SCIN: variants seen among roughly 807,000 people sequenced by gnomAD.
SCIN encodes scinderin.
Under a neutral mutation model 91.8 loss-of-function variants are expected in SCIN, and 91 were observed. The ratio of observed to expected loss-of-function variants is 0.99; its 90% confidence interval spans 0.84 to 1.18. The LOEUF (loss-of-function observed/expected upper bound fraction) is 1.18, where lower values mean the gene tolerates loss of function less well. Ranked by LOEUF, SCIN falls within the 50% of genes most tolerant of loss-of-function variation. The pLI is 0.00. For synonymous variants in SCIN, 367 were observed against 312.6 expected, an observed-to-expected ratio of 1.17 and a Z score of -1.84; for missense variants, 1,087 against 863.9, an observed-to-expected ratio of 1.26 and a Z score of -3.24.
chr7:12,651,129 C>A lies in SCIN; in HGVS notation c.1960-712C>A, dbSNP rs1408272237. On this transcript the variant is annotated intron_variant, in intron 14 of 15. Coordinates refer to ENST00000297029, the MANE Select transcript of SCIN (RefSeq NM_001112706.3). The surrounding 1 kb of genome is among the most constrained non-coding windows in gnomAD (Gnocchi z 5.9). ...TGGCTGGATGGTTGATGCTTTTCTA[C>A]CATTTTGAAGTTACAGAAAGAATGG... Among the ~76,000 whole-genome samples the A allele has an allele frequency of 6.6e-6, 1 of 152,080 alleles. No individual in the cohort carries two copies. The highest frequency in any genetic ancestry group is 1.9e-4 in the East Asian group (1 of 5,198).
chr7:12,576,998 G>A (rs527683933), intron 1 of SCIN, among the ~76,000 whole-genome samples: 81 of 152,116 alleles, frequency 5.3e-4, no homozygotes, highest in Non-Finnish European at 1.0e-3. Context: ...CCTCCTGACT[G>A]TCCGTACTGT....
rs1415228986 is a variant in SCIN at position 12,622,840 on chromosome 7, G to A, written c.706G>A (p.Asp236Asn). Residue 236 changes from aspartate to asparagine, a missense_variant, in exon 5 of 16, where the codon GAT becomes AAT. By Grantham distance (23) the Asp-to-Asn change is conservative (BLOSUM62 1). Transcript: ENST00000297029. Reference protein sequence around the residue: ...EKPELPDGGDDDDIIADISNR... With the variant: ...EKPELPDGGDNDDIIADISNR... ...GCCAGAGCTTCCAGATGGAGGTGAT[G>A]ATGATGACATTATAGCAGACATAAG... The A allele has an allele frequency of 6.2e-7, 1 of 1,613,262 alleles. No individual in the cohort carries two copies. The highest frequency in any genetic ancestry group is 8.5e-7 in the Non-Finnish European group (1 of 1,179,406).
At chr7:12,644,023 C>G in intron 11 of SCIN, 115 bp from the exon 12 acceptor site, 1 of 928,820 alleles carries the variant, frequency 1.1e-6, no homozygotes. Context: ...AATTAATTTC[C>G]TGGGATAGGG....
intron 10 of SCIN, among the ~76,000 whole-genome samples, chr7:12,639,004 A>C (rs1274331739): frequency 6.6e-6 from 1 of 152,208 alleles, no homozygotes; most frequent in African/African-American, 2.4e-5. Flanking sequence ...AGCCGGTTGA[A>C]TCCTAAATTG....
At chr7:12,592,949 C>G (rs1243121866) in intron 3 of SCIN, among the ~76,000 whole-genome samples, 1 of 151,584 alleles carries the variant, frequency 6.6e-6, no homozygotes, top group East Asian at 1.9e-4. Context: ...GCCCAGGGGC[C>G]CTGGCCTCAT....
At chr7:12,603,907 TG>T (rs1434667315) in intron 3 of SCIN, among the ~76,000 whole-genome samples, 3 of 50,886 alleles carry the variant, frequency 5.9e-5, no homozygotes, top group East Asian at 0.045. Context: ...CTTATATGTG[TG>T]GTTTTTTTCT....
chr7:12,582,271 A>G (rs1185334513), intron 3 of SCIN, among the ~76,000 whole-genome samples: 1 of 152,230 alleles, frequency 6.6e-6, no homozygotes, highest in Non-Finnish European at 1.5e-5. Flanking sequence ...AGCAGTAGAC[A>G]GAAGCCAAAA....
chr7:12,641,726 A>G (rs1562632527), intron 11 of SCIN, among the ~76,000 whole-genome samples: 1 of 152,098 alleles, frequency 6.6e-6, no homozygotes, highest in Non-Finnish European at 1.5e-5. Context: ...CCTTTACTCC[A>G]GAATGCACAT....
rs770497588 is a variant in SCIN at position 12,652,648 on chromosome 7, T to A, written c.2081T>A (p.Ile694Lys). Residue 694 changes from isoleucine to lysine, a missense_variant, in exon 16 of 16, where the codon ATA becomes AAA. Coordinates refer to ENST00000297029, the MANE Select transcript of SCIN (RefSeq NM_001112706.3). Reference protein sequence around the residue: ...GRDKRTPIVIIKQGHEPPTFT... With the variant: ...GRDKRTPIVIKKQGHEPPTFT... ...GACAAGAGGACACCAATTGTCATCA[T>A]AAAACAGGGCCATGAGCCACCCACA... The A allele has an allele frequency of 1.2e-6, 2 of 1,611,574 alleles. No homozygotes were observed. Among genetic ancestry groups the A allele is most frequent in the Admixed American group, 3.4e-5 (2 of 59,524 alleles).
rs780783245 is a variant in SCIN at position 12,604,525 on chromosome 7, G to C, written c.528G>C (p.Gln176His). 76 of 1,551,474 alleles carry C rather than the reference G, an allele frequency of 4.9e-5. No individual in the cohort carries two copies. Among genetic ancestry groups the C allele is most frequent in the Non-Finnish European group, 6.4e-5 (73 of 1,146,970 alleles). ...FIIDLGTEIY[Q>H]WCGSSCNKYE... Reference sequence around the variant, plus strand: ...TCTCTTTCTTTTAGGAAATTTATCAGTGGTGTGGTTCCTCGTGCAACAAAT... The same window carrying C: ...TCTCTTTCTTTTAGGAAATTTATCACTGGTGTGGTTCCTCGTGCAACAAAT... Residue 176 changes from glutamine (Q) to histidine (H), a missense_variant, in exon 4 of 16, where the codon CAG (glutamine) becomes CAC (histidine). Transcript: ENST00000297029.
Position 12,578,066 on chromosome 7 carries a change from A to G in SCIN, c.202A>G (p.Lys68Glu), listed in dbSNP as rs1393450530. 1.9e-6 allele frequency: 3 copies of G among 1,539,830 alleles called. No homozygotes were observed. The highest frequency in any genetic ancestry group is 2.6e-6 in the Non-Finnish European group (3 of 1,142,226). ...FTYHLHFWLG[K>E]ECSQDESTAA... ...GGTGCTGTTGTTCACTGTTTTAGGA[A>G]AGGAGTGTTCCCAGGATGAAAGCAC... The change falls in exon 2 of 16, where the codon AAG becomes GAG. Residue 68 changes from lysine (K) to glutamate (E), a missense_variant and splice_region_variant. Transcript: ENST00000297029.
At chr7:12,602,563 C>A (rs539963026) in intron 3 of SCIN, among the ~76,000 whole-genome samples, 35 of 152,250 alleles carry the variant, frequency 2.3e-4, no homozygotes, top group African/African-American at 8.4e-4. Flanking sequence ...AAGACAGACA[C>A]TCCCAGAGCG....
intron 4 of SCIN, among the ~76,000 whole-genome samples, chr7:12,620,915 A>G (rs1351624733): frequency 1.3e-5 from 2 of 152,130 alleles, no homozygotes; most frequent in Non-Finnish European, 2.9e-5. Flanking sequence ...ATTTTTATGT[A>G]ACACCTTCAA....
intron 9 of SCIN, among the ~76,000 whole-genome samples, chr7:12,634,666 T>C (rs578146361): frequency 6.6e-6 from 1 of 152,316 alleles, no homozygotes; most frequent in South Asian, 2.1e-4. Flanking sequence ...TAAATAATGC[T>C]CAATGAATGC....
chr7:12,588,458 A>G (rs1251835723), intron 3 of SCIN, among the ~76,000 whole-genome samples: 1 of 152,132 alleles, frequency 6.6e-6, no homozygotes, highest in African/African-American at 2.4e-5. Flanking sequence ...GTTAGCCGAG[A>G]GAAAGGACGA....
At chr7:12,608,321 G>GCACACACACACACACACA (rs35120183) in intron 4 of SCIN, among the ~76,000 whole-genome samples, 4 of 148,792 alleles carry the variant, frequency 2.7e-5, no homozygotes, top group African/African-American at 9.9e-5. Context: ...ATGCACACAT[G>GCACACACACACACACACA]CACACACACA....
chr7:12,640,845 T>G (rs1005551232), intron 11 of SCIN, among the ~76,000 whole-genome samples: 1 of 152,150 alleles, frequency 6.6e-6, no homozygotes, highest in African/African-American at 2.4e-5. Flanking sequence ...TGGGTGATGG[T>G]CAGGTGACTG....
chr7:12,632,684 T>C (rs1330671693), intron 9 of SCIN, among the ~76,000 whole-genome samples: 1 of 152,186 alleles, frequency 6.6e-6, no homozygotes, highest in East Asian at 1.9e-4. Context: ...GTTTCTGGTC[T>C]GAGCATAAAT....
intron 3 of SCIN, among the ~76,000 whole-genome samples, chr7:12,596,076 AC>A (rs1782834314): frequency 6.6e-6 from 1 of 152,152 alleles, no homozygotes; most frequent in Admixed American, 6.5e-5. Context: ...CTTGGAAGAG[AC>A]CCAAGCAGGT....
Sources: gnomAD v4.1 joint callset for allele counts (sites outside exome capture counted in the v4.1 genomes callset) on GRCh38, gnomAD v4.1.1 for gene constraint, Gnocchi (gnomAD v3.1) non-coding constraint, MANE v1.5 for transcripts, NCBI Gene and HGNC (gene_info 2026-07-23, HGNC 2026-07-21) for gene names.